The following CRLF2 variants were observed in gnomAD, a reference collection of about 807,000 sequenced individuals.
The protein encoded by CRLF2 is cytokine receptor like factor 2.
A neutral mutation model predicts 38.7 loss-of-function variants in CRLF2; 41 were observed. The ratio of observed to expected loss-of-function variants is 1.06; its 90% CI spans 0.83 to 1.37. The LOEUF is 1.37. Ranked by LOEUF, CRLF2 falls within the 40% of genes most tolerant of loss-of-function variation. The pLI, the probability that CRLF2 is intolerant of heterozygous loss-of-function variation, is 0.00. For synonymous variants in CRLF2, 140 were observed against 128.8 expected (o/e 1.09, Z -0.59); for missense variants, 377 against 322.2 (o/e 1.17, Z -1.30).
chrX:1,191,378 TTCTTTCTC>T (rs1212290214), intron 7 of CRLF2, among the ~76,000 whole-genome samples: 2 of 146,128 alleles, frequency 1.4e-5, no homozygotes, highest in Non-Finnish European at 3.0e-5. Context: ...TTCTCTTTCT[TTCTTTCTC>T]TCTTTCTCTC....
At chrX:1,195,428 G>C (rs2086457849) in intron 6 of CRLF2, among the ~76,000 whole-genome samples, 1 of 151,934 alleles carries the variant, frequency 6.6e-6, no homozygotes, top group Non-Finnish European at 1.5e-5. Context: ...CTTTTTGAGA[G>C]ACAGGATCGT....
At chrX:1,192,728 CTTTCTTTCTTTCTTTCTTTCT>C (rs2086411921) in intron 7 of CRLF2, among the ~76,000 whole-genome samples, 1 of 77,502 alleles carries the variant, frequency 1.3e-5, no homozygotes, top group Non-Finnish European at 2.5e-5. Flanking sequence ...TTCTTTCTTT[CTTTCTTTCTTTCTTTCTTTCT>C]TTCTTTCTTT....
chrX:1,192,681 T>TTCCTTTTTTC (rs2086406747), intron 7 of CRLF2, among the ~76,000 whole-genome samples: 5 of 151,544 alleles, frequency 3.3e-5, no homozygotes, highest in African/African-American at 2.4e-5. Flanking sequence ...TTCTCTTTCT[T>TTCCTTTTTTC]TTTCTCTTTC....
intron 5 of CRLF2, among the ~76,000 whole-genome samples, chrX:1,197,684 CGT>C (rs2086511795): frequency 6.6e-6 from 1 of 151,724 alleles, no homozygotes; most frequent in African/African-American, 2.4e-5. Flanking sequence ...CTTGGTGGTG[CGT>C]GCCTGTAGTC....
chrX:1,196,898 C>A lies in CRLF2; in HGVS notation c.649G>T (p.Ala217Ser). 10 of 1,611,448 alleles carry A rather than the reference C, an allele frequency of 6.2e-6. No individual in the cohort carries two copies. The highest frequency in any genetic ancestry group is 8.5e-6 in the Non-Finnish European group (10 of 1,178,986). Reference sequence around the variant, plus strand: ...GGAGGCGTTGGTGTCTCTGCACAGGCATCTGAAACAAAATGAAAAGGCGGC... The same window carrying A: ...GGAGGCGTTGGTGTCTCTGCACAGGAATCTGAAACAAAATGAAAAGGCGGC... ...TCWQRGEIRDACAETPTPPKP... is the reference protein window; with the variant it reads ...TCWQRGEIRDSCAETPTPPKP... Residue 217 changes from alanine (A) to serine (S), a missense_variant and splice_region_variant, in exon 6 of 8, where the codon GCC becomes TCC. Transcript: ENST00000400841.
At position 1,206,417 on chromosome X, in the gene CRLF2, G is replaced by A. The variant is rs1193037041; in HGVS notation, c.349+16C>T. 6.2e-7 allele frequency: 1 copy of A among 1,610,840 alleles called. No individual in the cohort carries two copies. The highest frequency in any genetic ancestry group is 1.7e-5 in the Admixed American group (1 of 59,966). On this transcript the variant is annotated intron_variant, in intron 3 of 7. Coordinates refer to ENST00000400841, the MANE Select transcript of CRLF2 (RefSeq NM_022148.4). ...AAGTACTGAAAAGCATGGTGAGCTG[G>A]CTTTACAATACTTACGGTAATAAAC...
In CRLF2 at chrX:1,196,818, C is replaced by G; in HGVS notation, c.729G>C (p.Met243Ile). ...ATAAAGACAGAAGGAGGAGAGACACCATCAGAAGGATGGCCAGGCTGGAAA... is the reference window on the plus strand; with the variant it reads ...ATAAAGACAGAAGGAGGAGAGACACGATCAGAAGGATGGCCAGGCTGGAAA... ...ILISSLAILL[M>I]VSLLLLSLWK... The change falls in exon 6 of 8, where the codon ATG becomes ATC. Residue 243 changes from methionine (M) to isoleucine (I), a missense_variant. Met to Ile is a conservative substitution (Grantham distance 10). Coordinates refer to ENST00000400841, the MANE Select transcript of CRLF2 (RefSeq NM_022148.4). The G allele has an allele frequency of 6.2e-7, 1 of 1,613,000 alleles. No individual in the cohort carries two copies. The highest frequency in any genetic ancestry group is 8.5e-7 in the Non-Finnish European group (1 of 1,179,460).
chrX:1,193,142 TCAGAGA>T, intron 7 of CRLF2, 70 bp downstream of exon 7: 1 of 397,636 alleles, frequency 2.5e-6, no homozygotes, highest in Non-Finnish European at 4.4e-6. Context: ...AAGGTCGCGC[TCAGAGA>T]GATAGGAATG....
chrX:1,200,222 G>A (rs2086577553), intron 4 of CRLF2, among the ~76,000 whole-genome samples: 1 of 151,498 alleles, frequency 6.6e-6, no homozygotes, highest in Admixed American at 6.6e-5. Flanking sequence ...TATATACGGT[G>A]TGTGTATACG....
chrX:1,190,624 C>T lies in CRLF2; in HGVS notation c.*273G>A. On this transcript the variant is annotated 3_prime_UTR_variant, in exon 8 of 8. Transcript: ENST00000400841. ...TGCTGCCTTGGGGTTTATGTGACAA[C>T]GTTCAGGCACGAAAAGGAACTGGGA... The T allele has an allele frequency of 5.2e-6, 2 of 386,650 alleles. No homozygotes were observed. Among genetic ancestry groups the T allele is most frequent in the Non-Finnish European group, 9.1e-6 (2 of 218,908 alleles). The allele number at this position is 386,650 out of a possible 1,614,324, so 24.0% of individuals were successfully genotyped here.
chrX:1,198,881 G>A (rs180726011), intron 4 of CRLF2, 157 bp from the exon 5 acceptor site: 287 of 743,040 alleles, frequency 3.9e-4, no homozygotes, highest in Non-Finnish European at 5.3e-4. Flanking sequence ...GGACACAGTG[G>A]CTCACTCCTG....
intron 6 of CRLF2, among the ~76,000 whole-genome samples, chrX:1,194,340 T>A (rs1314203945): frequency 6.6e-6 from 1 of 152,000 alleles, no homozygotes; most frequent in African/African-American, 2.4e-5. Flanking sequence ...CAGATGCCTG[T>A]AGTCCCAGCT....
chrX:1,196,872 G>C lies in CRLF2; in HGVS notation c.675C>G (p.Pro225=), dbSNP rs777050186. ...AAATAAATTTGGACAGCTTTGGTTT[G>C]GGAGGCGTTGGTGTCTCTGCACAGG... The part of the protein sequence containing the change: ...RDACAETPTP[P]KPKLSKFILI... Residue 225 remains proline (P), a synonymous_variant, in exon 6 of 8, where the codon CCC becomes CCG. Transcript: ENST00000400841. The C allele has an allele frequency of 3.1e-6, 5 of 1,613,570 alleles. No individual in the cohort carries two copies. In the South Asian group the frequency reaches 4.4e-5, roughly 14 times the overall value.
Position 1,206,571 on chromosome X carries a change from A to C in CRLF2, c.211T>G (p.Cys71Gly). 6.2e-7 allele frequency: 1 copy of C among 1,613,700 alleles called. No individual in the cohort carries two copies. ...RFNGDEAYDQ[C>G]TNYLLQEGHT... is the part of the protein sequence containing the mutation. ...CCTTCCTGGAGAAGGTAGTTGGTGC[A>C]CTGGTCATAGGCCTCATCACCGTTG... is the stretch of plus-strand genomic sequence containing the variant. Residue 71 changes from cysteine (C) to glycine (G), a missense_variant, in exon 3 of 8, where the codon TGC (cysteine) becomes GGC (glycine). Coordinates refer to ENST00000400841, the MANE Select transcript of CRLF2 (RefSeq NM_022148.4).
intron 4 of CRLF2, chrX:1,199,018 G>T (rs771075495): frequency 2.2e-5 from 10 of 447,092 alleles, no homozygotes; most frequent in African/African-American, 1.8e-4. Context: ...GCGTGGTGGC[G>T]GGTGCCTGTA....
intron 2 of CRLF2, among the ~76,000 whole-genome samples, chrX:1,207,661 T>C (rs1246478449): frequency 6.6e-6 from 1 of 151,826 alleles, no homozygotes; most frequent in African/African-American, 2.4e-5. Context: ...GTTTTTGTTT[T>C]GTTTTGTTTT....
At chrX:1,195,292 A>G (rs1327761780) in intron 6 of CRLF2, among the ~76,000 whole-genome samples, 2 of 152,190 alleles carry the variant, frequency 1.3e-5, no homozygotes, top group Non-Finnish European at 2.9e-5. Context: ...TGTTTCGTCT[A>G]GAACTCTCAC....
chrX:1,193,447 G>A (rs1176836942), intron 6 of CRLF2, 145 bp from the exon 7 acceptor site: 116 of 393,852 alleles, frequency 2.9e-4, no homozygotes, highest in African/African-American at 2.0e-3. Flanking sequence ...GTCTCCTCCC[G>A]CTCCCCAGGG....
At chrX:1,191,298 T>TTTCTTTCTTTCTTTCTTTCC (rs2086369810) in intron 7 of CRLF2, 138 bp from the exon 8 acceptor site, 1 of 327,398 alleles carries the variant, frequency 3.1e-6, no homozygotes, top group South Asian at 2.3e-4. Context: ...TTCTTTTCTC[T>TTTCTTTCTTTCTTTCTTTCC]TTCTTTCTTT....
Sources: gnomAD v4.1 joint callset for allele counts (sites outside exome capture counted in the v4.1 genomes callset) on GRCh38, gnomAD v4.1.1 for gene constraint, MANE v1.5 for transcripts, NCBI Gene and HGNC (gene_info 2026-07-23, HGNC 2026-07-21) for gene names.